IQGAP1: variants seen among roughly 807,000 people sequenced by gnomAD.
IQGAP1 encodes the protein IQ motif containing GTPase activating protein 1.
In IQGAP1, 66 loss-of-function variants were observed where a neutral mutation model predicts 215.6. The observed-to-expected ratio is 0.31, with a 90% CI of 0.25 to 0.38. The LOEUF (loss-of-function observed/expected upper bound fraction) is 0.38, where lower values mean the gene tolerates loss of function less well. Ranked by LOEUF, IQGAP1 falls within the 10% of genes least tolerant of loss-of-function variation. The probability of loss-of-function intolerance (pLI) is 1.00; values close to 1 mark genes in which losing one functional copy is unlikely to be tolerated. For synonymous variants in IQGAP1, 772 were observed against 728.7 expected (o/e 1.06, Z -0.96); for missense variants, 1,712 against 1,997.1 (o/e 0.86, Z 2.72).
In IQGAP1 at chr15:90,483,385, C is replaced by A; in HGVS notation, c.3580C>A (p.Arg1194=). Residue 1194 remains arginine (R), a synonymous_variant, in exon 29 of 38, where the codon CGA becomes AGA. Transcript: ENST00000268182. ...LKIIGNLLYY[R]YMNPAIVAPD... ...GATTATTGGTAACTTGCTTTATTAT[C>A]GATACATGAATCCAGCCATTGTTGC... is the stretch of plus-strand genomic sequence containing the variant. 1 of 1,613,712 alleles carries A rather than the reference C, an allele frequency of 6.2e-7. No individual in the cohort carries two copies. The highest frequency in any genetic ancestry group is 1.1e-5 in the South Asian group (1 of 91,048).
chr15:90,397,101 C>T (rs1296370327), intron 2 of IQGAP1, among the ~76,000 whole-genome samples: 1 of 152,176 alleles, frequency 6.6e-6, no homozygotes, highest in East Asian at 1.9e-4. Context: ...GATCCACCCG[C>T]CTCGGCCCCC....
At chr15:90,470,368 T>C (rs1366042945) in intron 18 of IQGAP1, among the ~76,000 whole-genome samples, 3 of 152,184 alleles carry the variant, frequency 2.0e-5, no homozygotes, top group Non-Finnish European at 4.4e-5. Context: ...CCTCCAGTGC[T>C]TGTCAGGATT....
chr15:90,444,084 A>G (rs551007510), intron 9 of IQGAP1, among the ~76,000 whole-genome samples: 79 of 151,900 alleles, frequency 5.2e-4, no homozygotes, highest in Middle Eastern at 3.4e-3. Context: ...ATATTTTTCT[A>G]TTTTTTTAAA....
chr15:90,447,844 A>T (rs1409310843), intron 9 of IQGAP1, among the ~76,000 whole-genome samples: 1 of 152,032 alleles, frequency 6.6e-6, no homozygotes, highest in Non-Finnish European at 1.5e-5. Flanking sequence ...CTGGGTTTTC[A>T]TTGTCATGTA....
At chr15:90,484,482 T>A in intron 30 of IQGAP1, 130 bp downstream of exon 30, 1 of 653,120 alleles carries the variant, frequency 1.5e-6, no homozygotes, top group Non-Finnish European at 2.6e-6. Flanking sequence ...CCTTGATGTC[T>A]CTTTTTTTGC....
chr15:90,452,063 C>T (rs1306329700), intron 11 of IQGAP1, among the ~76,000 whole-genome samples: 5 of 152,120 alleles, frequency 3.3e-5, no homozygotes, highest in African/African-American at 9.7e-5. Context: ...CTCCTGACCT[C>T]GTGATCCACC....
chr15:90,440,951 C>A (rs1965440394), intron 7 of IQGAP1, among the ~76,000 whole-genome samples: 1 of 151,926 alleles, frequency 6.6e-6, no homozygotes, highest in South Asian at 2.1e-4. Context: ...ACTAAAAATA[C>A]AAAAATTTAG....
chr15:90,501,928 A>T lies in IQGAP1; in HGVS notation c.*1820A>T, dbSNP rs1013575777. ...TTAAGGTTTATAGTTCCCTCAACACAATTGCTAATGCAGAATAGTGTAAAA... is the reference window on the plus strand; with the variant it reads ...TTAAGGTTTATAGTTCCCTCAACACTATTGCTAATGCAGAATAGTGTAAAA... On this transcript the variant is annotated 3_prime_UTR_variant, in exon 38 of 38. Coordinates refer to ENST00000268182, the MANE Select transcript of IQGAP1 (RefSeq NM_003870.4). The T allele has an allele frequency of 2.6e-5, 4 of 152,278 alleles. No individual in the cohort carries two copies. Among genetic ancestry groups the T allele is most frequent in the Non-Finnish European group, 5.9e-5 (4 of 68,050 alleles). 9.4% of individuals were successfully genotyped at this position (152,278 alleles called of 1,614,324 possible).
At chr15:90,453,079 G>C (rs956485321) in intron 12 of IQGAP1, 53 bp from the exon 13 acceptor site, 1 of 1,566,930 alleles carries the variant, frequency 6.4e-7, no homozygotes, top group African/African-American at 1.4e-5. Context: ...AACTCCCTGG[G>C]TCTTGGAGAA....
In IQGAP1 at chr15:90,467,566, A is replaced by G. The variant is rs758668892; in HGVS notation, c.2152A>G (p.Met718Val). Residue 718 changes from methionine (M) to valine (V), a missense_variant, in exon 18 of 38, where the codon ATG becomes GTG. Coordinates refer to ENST00000268182, the MANE Select transcript of IQGAP1 (RefSeq NM_003870.4). Reference protein sequence around the residue: ...DEPPNFVQNSMQLSREEIQSS... With the variant: ...DEPPNFVQNSVQLSREEIQSS... ...ACCTCCAAATTTTGTGCAAAATTCT[A>G]TGCAGCTTTCTCGGGAGGAGATCCA... The G allele has an allele frequency of 1.1e-5, 17 of 1,612,208 alleles. No individual in the cohort carries two copies. The highest frequency in any genetic ancestry group is 5.4e-5 in the African/African-American group (4 of 74,666).
chr15:90,408,746 C>A (rs1376138938), intron 2 of IQGAP1, among the ~76,000 whole-genome samples: 1 of 152,066 alleles, frequency 6.6e-6, no homozygotes, highest in Non-Finnish European at 1.5e-5. Flanking sequence ...CATTTTGGCC[C>A]TAACAAATTT....
intron 2 of IQGAP1, among the ~76,000 whole-genome samples, chr15:90,423,312 C>A (rs1332424021): frequency 6.6e-6 from 1 of 152,202 alleles, no homozygotes; most frequent in East Asian, 1.9e-4. Context: ...CAACTCACTG[C>A]AGCTTCTACC....
At chr15:90,419,074 G>T (rs1965095019) in intron 2 of IQGAP1, among the ~76,000 whole-genome samples, 1 of 149,210 alleles carries the variant, frequency 6.7e-6, no homozygotes, top group Non-Finnish European at 1.5e-5. Context: ...AGGATCGCTT[G>T]AACCCTGAAA....
At chr15:90,441,388 G>A in intron 7 of IQGAP1, 118 bp from the exon 8 acceptor site, 1 of 859,168 alleles carries the variant, frequency 1.2e-6, no homozygotes, top group Non-Finnish European at 1.8e-6. Context: ...ATTTCTCTGT[G>A]AAAAGGAGCC....
intron 2 of IQGAP1, among the ~76,000 whole-genome samples, chr15:90,406,341 A>G (rs958052367): frequency 5.3e-5 from 8 of 152,148 alleles, no homozygotes; most frequent in African/African-American, 1.9e-4. Context: ...AATTTTTTGT[A>G]TTTTTAGTAG....
chr15:90,482,869 C>A, intron 28 of IQGAP1: 1 of 298,452 alleles, frequency 3.4e-6, no homozygotes, highest in South Asian at 1.1e-4. Flanking sequence ...TGAACTTGGC[C>A]TTTGAAGTCT....
At chr15:90,483,316 G>T in intron 28 of IQGAP1, 45 bp from the exon 29 acceptor site, 1 of 1,389,316 alleles carries the variant, frequency 7.2e-7, no homozygotes. Context: ...AGCTTCCTTG[G>T]TGGTATGTCT....
At chr15:90,496,050 A>C (rs1261403262) in intron 36 of IQGAP1, among the ~76,000 whole-genome samples, 1 of 151,544 alleles carries the variant, frequency 6.6e-6, no homozygotes, top group African/African-American at 2.4e-5. Flanking sequence ...TTAGAAACTA[A>C]ATAGCCAACT....
At chr15:90,490,592 G>A (rs1966189682) in intron 33 of IQGAP1, among the ~76,000 whole-genome samples, 1 of 152,196 alleles carries the variant, frequency 6.6e-6, no homozygotes, top group South Asian at 2.1e-4. Flanking sequence ...GTGACACAAA[G>A]AATTAGCAAG....
Sources: allele counts gnomAD v4.1 joint callset (sites outside exome capture counted in the v4.1 genomes callset), GRCh38; gene constraint gnomAD v4.1.1; transcripts MANE v1.5; gene names NCBI Gene and HGNC (gene_info 2026-07-23, HGNC 2026-07-21).